TMC1: variants seen among roughly 807,000 people sequenced by gnomAD.
The protein encoded by TMC1 is transmembrane channel like 1.
Under a neutral mutation model 105.8 loss-of-function variants are expected in TMC1, and 84 were observed. That is an observed-to-expected ratio of 0.79 (90% CI 0.67 to 0.95). TMC1 has a LOEUF of 0.95. Ranked by LOEUF, TMC1 falls within the 40% of genes least tolerant of loss-of-function variation. TMC1 has a pLI of 0.00. For synonymous variants in TMC1, 315 were observed against 311.5 expected, an observed-to-expected ratio of 1.01 and a Z score of -0.12; for missense variants, 817 against 914.1, an observed-to-expected ratio of 0.89 and a Z score of 1.37.
chr9:72,615,793 G>T (rs532253704), intron 2 of TMC1, among the ~76,000 whole-genome samples: 1 of 147,962 alleles, frequency 6.8e-6, no homozygotes, highest in South Asian at 2.1e-4. Flanking sequence ...TCACTCAGTC[G>T]CTCGGGCTGG....
intron 2 of TMC1, among the ~76,000 whole-genome samples, chr9:72,602,336 G>A (rs1824831144): frequency 6.7e-6 from 1 of 149,742 alleles, no homozygotes; most frequent in African/African-American, 2.5e-5. Context: ...TTTGATATGC[G>A]AATGACTTGC....
intron 13 of TMC1, among the ~76,000 whole-genome samples, chr9:72,784,398 T>C (rs1828138091): frequency 6.8e-6 from 1 of 146,790 alleles, no homozygotes; most frequent in African/African-American, 2.6e-5. Context: ...CCAGTCAAAA[T>C]GACTATTGTT....
intron 5 of TMC1, among the ~76,000 whole-genome samples, chr9:72,649,212 C>CATT (rs1564467370): frequency 1.3e-5 from 2 of 152,200 alleles, no homozygotes; most frequent in Admixed American, 6.5e-5. Context: ...CTTGCTGTGA[C>CATT]TTGCCATAGG....
intron 1 of TMC1, among the ~76,000 whole-genome samples, chr9:72,539,163 A>C (rs1823634942): frequency 1.3e-5 from 2 of 151,932 alleles, no homozygotes; most frequent in African/African-American, 4.8e-5. Context: ...TGGGCAGATC[A>C]ATTGGGCTCA....
At chr9:72,619,215 TAATA>T (rs139863419) in intron 3 of TMC1, among the ~76,000 whole-genome samples, 3,120 of 152,292 alleles carry the variant, frequency 0.02, 41 homozygotes, top group Non-Finnish European at 0.032. Context: ...ACATTAAGAA[TAATA>T]AATCTTAATT....
At chr9:72,549,738 GTA>G (rs950835545) in intron 1 of TMC1, among the ~76,000 whole-genome samples, 1 of 151,828 alleles carries the variant, frequency 6.6e-6, no homozygotes, top group Non-Finnish European at 1.5e-5. Flanking sequence ...AGCCTCCTGA[GTA>G]GCTGGGACTA....
chr9:72,626,321 A>T (rs1825346598), intron 3 of TMC1, among the ~76,000 whole-genome samples: 1 of 152,184 alleles, frequency 6.6e-6, no homozygotes, highest in Non-Finnish European at 1.5e-5. Flanking sequence ...GGTGTCTGGC[A>T]GGCAGTTGGC....
intron 12 of TMC1, among the ~76,000 whole-genome samples, chr9:72,771,403 T>C (rs540374445): frequency 6.6e-6 from 1 of 152,340 alleles, no homozygotes; most frequent in East Asian, 1.9e-4. Flanking sequence ...ACATTTCTAC[T>C]TTCTTTTCCA....
intron 5 of TMC1, among the ~76,000 whole-genome samples, chr9:72,656,382 CT>C (rs34514586): frequency 2.7e-5 from 4 of 150,718 alleles, no homozygotes; most frequent in East Asian, 1.9e-4. Flanking sequence ...AGTTTGGTGC[CT>C]TTTTTTTTGG....
chr9:72,590,959 CTG>C (rs1824629225), intron 2 of TMC1, among the ~76,000 whole-genome samples: 1 of 152,088 alleles, frequency 6.6e-6, no homozygotes, highest in Non-Finnish European at 1.5e-5. Context: ...GAAGAAGAAA[CTG>C]AGATCCGCGG....
At chr9:72,528,530 C>T (rs552662252) in intron 1 of TMC1, among the ~76,000 whole-genome samples, 9 of 152,152 alleles carry the variant, frequency 5.9e-5, no homozygotes, top group Middle Eastern at 3.4e-3. Flanking sequence ...GACAGGGTTT[C>T]TCCATGTTGG....
At chr9:72,605,723 A>AC (rs1379554080) in intron 2 of TMC1, among the ~76,000 whole-genome samples, 1 of 151,626 alleles carries the variant, frequency 6.6e-6, no homozygotes, top group Non-Finnish European at 1.5e-5. Flanking sequence ...TTACAGGCAT[A>AC]CACCACCACG....
intron 17 of TMC1, among the ~76,000 whole-genome samples, chr9:72,792,944 T>C (rs1828299948): frequency 6.6e-6 from 1 of 152,136 alleles, no homozygotes; most frequent in South Asian, 2.1e-4. Flanking sequence ...CACCTGGTAG[T>C]GACATGAAGC....
chr9:72,738,439 CAG>C (rs1262055189), intron 8 of TMC1, among the ~76,000 whole-genome samples: 1 of 151,280 alleles, frequency 6.6e-6, no homozygotes, highest in Non-Finnish European at 1.5e-5. Flanking sequence ...CTTTTTGAAA[CAG>C]AATCTCACTC....
intron 1 of TMC1, among the ~76,000 whole-genome samples, chr9:72,530,638 T>G (rs949493875): frequency 3.9e-5 from 6 of 152,022 alleles, no homozygotes; most frequent in Non-Finnish European, 5.9e-5. Flanking sequence ...TTGTTTTCTC[T>G]TTTGTATTTT....
chr9:72,641,810 C>CTTTTTT (rs896125209), intron 4 of TMC1, among the ~76,000 whole-genome samples: 24 of 87,000 alleles, frequency 2.8e-4, no homozygotes, highest in African/African-American at 3.8e-4. Context: ...AGTCCCAAAT[C>CTTTTTT]TTTTTTTTTT....
intron 13 of TMC1, among the ~76,000 whole-genome samples, chr9:72,787,487 C>T (rs1262507448): frequency 6.6e-6 from 1 of 151,494 alleles, no homozygotes; most frequent in Non-Finnish European, 1.5e-5. Flanking sequence ...AAAACCAAAA[C>T]CTTATGGGAC....
At chr9:72,537,462 C>T (rs1025420231) in intron 1 of TMC1, among the ~76,000 whole-genome samples, 1 of 152,032 alleles carries the variant, frequency 6.6e-6, no homozygotes, top group African/African-American at 2.4e-5. Flanking sequence ...TTACAATTTA[C>T]AACTTTAGGT....
chr9:72,698,630 GAGA>G (rs1826590611), intron 7 of TMC1, among the ~76,000 whole-genome samples: 1 of 152,160 alleles, frequency 6.6e-6, no homozygotes, highest in Non-Finnish European at 1.5e-5. Context: ...AAGGTAAAAA[GAGA>G]ACACTAAAGT....
Sources: gnomAD v4.1 joint callset for allele counts (sites outside exome capture counted in the v4.1 genomes callset) on GRCh38, gnomAD v4.1.1 for gene constraint, MANE v1.5 for transcripts, NCBI Gene and HGNC (gene_info 2026-07-23, HGNC 2026-07-21) for gene names.